SULT6B1: variants seen among roughly 807,000 people sequenced by gnomAD.
SULT6B1 encodes sulfotransferase 6B1.
Under a neutral mutation model 37.2 loss-of-function variants are expected in SULT6B1, and 44 were observed. That is an observed-to-expected ratio of 1.18 (90% CI 0.93 to 1.52). The LOEUF is 1.52. Ranked by LOEUF, SULT6B1 falls within the 40% of genes most tolerant of loss-of-function variation. The pLI is 0.00. For synonymous variants in SULT6B1, 140 were observed against 126.0 expected, an observed-to-expected ratio of 1.11 and a Z score of -0.74; for missense variants, 450 against 361.0, an observed-to-expected ratio of 1.25 and a Z score of -2.00.
chr2:37,186,901 G>A (rs78498529), intron 2 of SULT6B1, among the ~76,000 whole-genome samples: 3,534 of 152,210 alleles, frequency 0.023, 66 homozygotes, highest in Middle Eastern at 0.054. Context: ...ATTTCAAATA[G>A]AAATCATGGT....
intron 1 of SULT6B1, among the ~76,000 whole-genome samples, 200 bp from the exon 2 acceptor site, chr2:37,187,667 A>C (rs1327764844): frequency 6.6e-6 from 1 of 152,232 alleles, no homozygotes; most frequent in Non-Finnish European, 1.5e-5. Context: ...TAATTAGTAT[A>C]AAATTCAACT....
At chr2:37,186,309 G>A (rs1264673416) in intron 2 of SULT6B1, among the ~76,000 whole-genome samples, 1 of 152,126 alleles carries the variant, frequency 6.6e-6, no homozygotes, top group Non-Finnish European at 1.5e-5. Context: ...GCTGCATTCT[G>A]GTGTGTCTAG....
intron 1 of SULT6B1, chr2:37,194,658 T>A (rs372011071): frequency 3.7e-6 from 1 of 273,746 alleles, no homozygotes; most frequent in African/African-American, 2.3e-5. Flanking sequence ...CTTGTGAATG[T>A]TGGTGTATTC....
At chr2:37,180,074 G>C (rs1676517292) in intron 3 of SULT6B1, among the ~76,000 whole-genome samples, 1 of 152,188 alleles carries the variant, frequency 6.6e-6, no homozygotes, top group Non-Finnish European at 1.5e-5. Flanking sequence ...TCTTTGATGA[G>C]GAAAGTGTTC....
At chr2:37,183,787 G>A (rs1343294848) in intron 2 of SULT6B1, among the ~76,000 whole-genome samples, 1 of 152,116 alleles carries the variant, frequency 6.6e-6, no homozygotes, top group African/African-American at 2.4e-5. Flanking sequence ...GGGTTTACAG[G>A]TATCTACCAC....
upstream of SULT6B1, among the ~76,000 whole-genome samples, chr2:37,191,551 A>G (rs1676779163): frequency 6.6e-6 from 1 of 152,194 alleles, no homozygotes; most frequent in Non-Finnish European, 1.5e-5. Flanking sequence ...TTGTACCCAC[A>G]TTTGGCAGAT....
chr2:37,187,415 T>G lies in SULT6B1; in HGVS notation c.252A>C (p.Lys84Asn). The G allele has an allele frequency of 6.2e-7, 1 of 1,609,184 alleles. No homozygotes were observed. Among genetic ancestry groups the G allele is most frequent in the Non-Finnish European group, 8.5e-7 (1 of 1,176,804 alleles). The change falls in exon 2 of 7, where the codon AAA becomes AAC. Residue 84 changes from lysine to asparagine, a missense_variant. Physicochemically the swap from Lys to Asn is moderately conservative, Grantham distance 94. Coordinates refer to ENST00000535679, the MANE Select transcript of SULT6B1 (RefSeq NM_001367551.1). ...IVSELIYAVS[K>N]KKYKYPEFPV... The stretch of plus-strand genomic sequence containing the variant: ...GGAATTCTGGATATTTATACTTTTT[T>G]TTAGAAACAGCATATATTAATTCAC...
intron 2 of SULT6B1, among the ~76,000 whole-genome samples, chr2:37,186,226 A>G (rs1676670211): frequency 6.6e-6 from 1 of 152,136 alleles, no homozygotes; most frequent in Admixed American, 6.5e-5. Flanking sequence ...CCTGTTGGGA[A>G]TCTTGGTGGT....
chr2:37,194,493 G>A (rs147919149), intron 1 of SULT6B1: 13 of 395,272 alleles, frequency 3.3e-5, no homozygotes, highest in Middle Eastern at 8.0e-4. Flanking sequence ...ACGCGGATAC[G>A]GTACGGGACA....
At chr2:37,182,843 T>C (rs1312418941) in intron 3 of SULT6B1, among the ~76,000 whole-genome samples, 1 of 152,224 alleles carries the variant, frequency 6.6e-6, no homozygotes. Flanking sequence ...CATATAGTTC[T>C]GTATGCATGC....
At chr2:37,190,077 T>G (rs1180672266), upstream of SULT6B1, 1 of 152,238 alleles carries the variant, frequency 6.6e-6, no homozygotes, top group Non-Finnish European at 1.5e-5. Flanking sequence ...TAATTGTTCA[T>G]CTTGTTTGAG....
chr2:37,178,561 A>G (rs1676480847), intron 4 of SULT6B1, among the ~76,000 whole-genome samples: 2 of 152,078 alleles, frequency 1.3e-5, no homozygotes, highest in African/African-American at 4.8e-5. Flanking sequence ...TAGTTTCCTC[A>G]TCTGTACAAT....
intron 3 of SULT6B1, among the ~76,000 whole-genome samples, chr2:37,182,470 C>CA (rs1235052982): frequency 6.6e-6 from 1 of 151,868 alleles, no homozygotes; most frequent in African/African-American, 2.4e-5. Flanking sequence ...AAAAGTAATT[C>CA]AAAAAACGCA....
rs1026050078 is a variant in SULT6B1 at position 37,175,205 on chromosome 2, T to C, written c.551A>G (p.Asp184Gly). The part of the protein sequence containing the change: ...KGQVSWGRYF[D>G]FAINWNKHLD... Reference sequence around the variant, plus strand: ...ATGTTTGTTCCAATTGATTGCAAAATCAAAATACCTTCCCCAAGAAACTAA... The same window carrying C: ...ATGTTTGTTCCAATTGATTGCAAAACCAAAATACCTTCCCCAAGAAACTAA... Residue 184 changes from aspartate (D) to glycine (G), a missense_variant, in exon 5 of 7, where the codon GAT becomes GGT. Coordinates refer to ENST00000535679, the MANE Select transcript of SULT6B1 (RefSeq NM_001367551.1). 4 of 1,589,298 alleles carry C rather than the reference T, an allele frequency of 2.5e-6. No individual in the cohort carries two copies. Among genetic ancestry groups the C allele is most frequent in the Non-Finnish European group, 3.4e-6 (4 of 1,166,926 alleles).
At chr2:37,170,428 C>G (rs1232883892) in intron 6 of SULT6B1, among the ~76,000 whole-genome samples, 1 of 151,800 alleles carries the variant, frequency 6.6e-6, no homozygotes, top group Non-Finnish European at 1.5e-5. Context: ...GATCGCACTA[C>G]CACACTCCAG....
chr2:37,195,097 G>A (rs1161224802), intron 1 of SULT6B1, among the ~76,000 whole-genome samples: 1 of 151,986 alleles, frequency 6.6e-6, no homozygotes, highest in Admixed American at 6.6e-5. Context: ...TTACAGGCAT[G>A]CTCCACCTCA....
At chr2:37,171,352 A>T in intron 6 of SULT6B1, 82 bp downstream of exon 6, 1 of 1,500,522 alleles carries the variant, frequency 6.7e-7, no homozygotes, top group African/African-American at 1.4e-5. Context: ...TATCTGACTT[A>T]AGATGAAGTT....
At chr2:37,187,897 T>G (rs1471437452) in intron 1 of SULT6B1, among the ~76,000 whole-genome samples, 1 of 152,184 alleles carries the variant, frequency 6.6e-6, no homozygotes. Context: ...TTGGCTTTAG[T>G]AAACAACAGT....
chr2:37,185,727 A>AACAAAAAC (rs1676659007), intron 2 of SULT6B1, among the ~76,000 whole-genome samples: 3 of 150,434 alleles, frequency 2.0e-5, no homozygotes, highest in Admixed American at 6.6e-5. Context: ...CAAAAAAAAA[A>AACAAAAAC]AAAAAAAAAA....
Sources: gnomAD v4.1 joint callset for allele counts (sites outside exome capture counted in the v4.1 genomes callset) on GRCh38, gnomAD v4.1.1 for gene constraint, MANE v1.5 for transcripts, NCBI Gene and HGNC (gene_info 2026-07-23, HGNC 2026-07-21) for gene names.